NCK2: variants seen among roughly 807,000 people sequenced by gnomAD.
The protein encoded by NCK2 is cytoplasmic protein NCK2.
Under a neutral mutation model 33.9 loss-of-function variants are expected in NCK2, and 16 were observed. The observed-to-expected ratio is 0.47, with a 90% CI of 0.32 to 0.72. The LOEUF (loss-of-function observed/expected upper bound fraction) is 0.72, where lower values mean the gene tolerates loss of function less well. NCK2 is among the 30% of genes least tolerant of loss of function. The pLI is 0.03. For missense variants in NCK2, 418 were observed against 537.3 expected (o/e 0.78, Z 2.19); for synonymous variants, 273 against 239.9 (o/e 1.14, Z -1.27).
chr2:105,796,519 A>G (rs1283989738), intron 1 of NCK2, among the ~76,000 whole-genome samples: 2 of 152,058 alleles, frequency 1.3e-5, no homozygotes, highest in Non-Finnish European at 2.9e-5. Flanking sequence ...CCGGTTGCAG[A>G]GAGGGCCTGG....
At chr2:105,857,855 A>G (rs370479422) in intron 3 of NCK2, among the ~76,000 whole-genome samples, 17 of 152,312 alleles carry the variant, frequency 1.1e-4, no homozygotes, top group East Asian at 7.7e-4. Context: ...GTTGAGCTGC[A>G]TCCAGTGGAA....
intron 4 of NCK2, among the ~76,000 whole-genome samples, chr2:105,889,148 C>G (rs960224134): frequency 1.3e-5 from 2 of 152,148 alleles, no homozygotes; most frequent in Non-Finnish European, 2.9e-5. Context: ...TGTTTTGGGT[C>G]GGGAGTAACT....
chr2:105,830,056 A>C (rs1478339551), intron 2 of NCK2, among the ~76,000 whole-genome samples: 1 of 152,156 alleles, frequency 6.6e-6, no homozygotes, highest in Non-Finnish European at 1.5e-5. Context: ...AATCAGGGTA[A>C]TTAGCATATT....
intron 2 of NCK2, among the ~76,000 whole-genome samples, chr2:105,827,976 T>C (rs1676017336): frequency 1.3e-5 from 2 of 152,210 alleles, no homozygotes; most frequent in African/African-American, 4.8e-5. Context: ...GGTTTCGATA[T>C]TTTACTGCAG....
intron 1 of NCK2, among the ~76,000 whole-genome samples, chr2:105,796,741 A>G (rs62152203): frequency 0.028 from 4,238 of 152,266 alleles, 74 homozygotes; most frequent in Non-Finnish European, 0.044. Flanking sequence ...TCTATCAGAT[A>G]AATTAAATGA....
At chr2:105,837,174 C>T (rs1056806470) in intron 2 of NCK2, among the ~76,000 whole-genome samples, 1 of 152,148 alleles carries the variant, frequency 6.6e-6, no homozygotes, top group African/African-American at 2.4e-5. Flanking sequence ...GGACATTTTA[C>T]TTGCTGTGTG....
intron 2 of NCK2, among the ~76,000 whole-genome samples, chr2:105,837,256 C>CG (rs1400021058): frequency 5.9e-5 from 9 of 152,156 alleles, no homozygotes; most frequent in African/African-American, 2.2e-4. Context: ...ATCTTAATGA[C>CG]GTCAAGCTCC....
intron 1 of NCK2, among the ~76,000 whole-genome samples, chr2:105,771,305 G>A (rs1690129288): frequency 1.3e-5 from 2 of 151,894 alleles, no homozygotes; most frequent in African/African-American, 2.4e-5. Flanking sequence ...GGTGGCTCAC[G>A]TGTGTAATCC....
Position 105,860,062 on chromosome 2 carries a change from A to T in NCK2, c.226+4773A>T, listed in dbSNP as rs369023378. ...TGCTTTGGGAGGCTGAGGTAGAAGG[A>T]TCAGTTGAGGCCACGAATTTGAGAC... is the stretch of plus-strand genomic sequence containing the variant. On this transcript the variant is annotated intron_variant, in intron 3 of 4. Transcript: ENST00000233154. Among the ~76,000 whole-genome samples the T allele has an allele frequency of 4.6e-5, 7 of 152,296 alleles. No homozygotes were observed. In the East Asian group the frequency reaches 9.6e-4, roughly 21 times the overall value.
rs1690218005 is a variant in NCK2, at chr2:105,773,932, TAAGA to T, written c.-201+28799_-201+28802del. 1.3e-5 allele frequency among the ~76,000 whole-genome samples: 2 copies of T among 152,002 alleles called. 1 individual carries two copies. The highest frequency in any genetic ancestry group is 4.2e-4 in the South Asian group (2 of 4,814). ...TAAACAAGACAAAACCCTCTGTTTA[TAAGA>T]AAGATGTCAGAGGTACCAAAATGAA... is the stretch of plus-strand genomic sequence containing the variant. On this transcript the variant is annotated intron_variant, in intron 1 of 4. Transcript: ENST00000233154.
At chr2:105,785,756 C>A (rs901560364) in intron 1 of NCK2, among the ~76,000 whole-genome samples, 6 of 152,212 alleles carry the variant, frequency 3.9e-5, no homozygotes, top group African/African-American at 1.4e-4. Flanking sequence ...AGAACCTGAT[C>A]ACACCCAAAA....
chr2:105,759,108 G>T (rs1315008356), intron 1 of NCK2, among the ~76,000 whole-genome samples: 1 of 152,168 alleles, frequency 6.6e-6, no homozygotes, highest in Non-Finnish European at 1.5e-5. Flanking sequence ...TAAGATCTGA[G>T]TTTGATAAAA....
At position 105,893,061 on chromosome 2, in the gene NCK2, G is replaced by A; in HGVS notation, c.1028G>A (p.Cys343Tyr). ...FKVQLVDNVYCIGQRRFHTMD... is the reference protein window; with the variant it reads ...FKVQLVDNVYYIGQRRFHTMD... The stretch of plus-strand genomic sequence containing the variant: ...GTGCAGCTCGTGGACAATGTCTACT[G>A]CATTGGGCAGCGGCGCTTCCACACC... Residue 343 changes from cysteine (C) to tyrosine (Y), a missense_variant, in exon 5 of 5, where the codon TGC becomes TAC. Cys to Tyr is a radical substitution (Grantham distance 194). Transcript: ENST00000233154. 1 of 1,614,212 alleles carries A rather than the reference G, an allele frequency of 6.2e-7. No individual in the cohort carries two copies. The highest frequency in any genetic ancestry group is 8.5e-7 in the Non-Finnish European group (1 of 1,180,036).
At chr2:105,857,334 GC>G (rs1677317726) in intron 3 of NCK2, among the ~76,000 whole-genome samples, 1 of 152,240 alleles carries the variant, frequency 6.6e-6, no homozygotes, top group Admixed American at 6.5e-5. Flanking sequence ...CCGGCACTGG[GC>G]CCGCGCCCGT....
chr2:105,801,585 G>C (rs991498654), intron 1 of NCK2, among the ~76,000 whole-genome samples: 1 of 152,048 alleles, frequency 6.6e-6, no homozygotes, highest in South Asian at 2.1e-4. Flanking sequence ...CTGGAGTTAG[G>C]GGGAGGGATG....
chr2:105,856,130 G>A (rs573031333), intron 3 of NCK2, among the ~76,000 whole-genome samples: 5 of 151,286 alleles, frequency 3.3e-5, no homozygotes, highest in Non-Finnish European at 5.9e-5. Flanking sequence ...CACCGTGCCC[G>A]GCTCCCCATG....
At chr2:105,820,323 A>C (rs2104494525) in intron 2 of NCK2, among the ~76,000 whole-genome samples, 1 of 152,334 alleles carries the variant, frequency 6.6e-6, no homozygotes, top group South Asian at 2.1e-4. Flanking sequence ...TCGGCATGTC[A>C]GAAAGAAGTG....
chr2:105,890,152 T>C (rs1385581169), intron 4 of NCK2, among the ~76,000 whole-genome samples: 1 of 152,116 alleles, frequency 6.6e-6, no homozygotes, highest in Non-Finnish European at 1.5e-5. Flanking sequence ...CTTTTAAAGG[T>C]TTCTGCTCAG....
chr2:105,861,781 C>T (rs140213675), intron 3 of NCK2, among the ~76,000 whole-genome samples: 6,375 of 152,162 alleles, frequency 0.042, 203 homozygotes, highest in African/African-American at 0.085. Context: ...TCCCAAAGTC[C>T]TGGGATTATA....
Sources: gnomAD v4.1 joint callset for allele counts (sites outside exome capture counted in the v4.1 genomes callset) on GRCh38, gnomAD v4.1.1 for gene constraint, MANE v1.5 for transcripts, NCBI Gene and HGNC (gene_info 2026-07-23, HGNC 2026-07-21) for gene names.